Variants in KCNJ15 observed in about 807,000 individuals in gnomAD.
KCNJ15 encodes the protein ATP-sensitive inward rectifier potassium channel 15.
A neutral mutation model predicts 23.0 loss-of-function variants in KCNJ15; 14 were observed. The ratio of observed to expected loss-of-function variants is 0.61; its 90% CI spans 0.40 to 0.95. The LOEUF is 0.95. Ranked by LOEUF, KCNJ15 falls within the 40% of genes least tolerant of loss-of-function variation. The pLI is 0.00. For missense variants in KCNJ15, 388 were observed against 461.8 expected (o/e 0.84, Z 1.46); for synonymous variants, 185 against 183.2 (o/e 1.01, Z -0.08).
chr21:38,254,661 T>C (rs1024511990), upstream of KCNJ15, among the ~76,000 whole-genome samples: 1 of 152,218 alleles, frequency 6.6e-6, no homozygotes, highest in Non-Finnish European at 1.5e-5. Context: ...AATGCATGGA[T>C]TGAAAGTGAA....
intron 1 of KCNJ15, among the ~76,000 whole-genome samples, chr21:38,259,135 G>A (rs1007878876): frequency 5.9e-5 from 9 of 152,188 alleles, no homozygotes; most frequent in African/African-American, 1.4e-4. Context: ...AAAGTTATTC[G>A]GATTTAATCA....
At chr21:38,277,253 G>C (rs758667178) in intron 1 of KCNJ15, among the ~76,000 whole-genome samples, 16 of 152,258 alleles carry the variant, frequency 1.1e-4, no homozygotes, top group Non-Finnish European at 2.9e-5. Context: ...AGGAGGATTA[G>C]GGGAGCACTT....
chr21:38,237,031 G>A (rs531809810), intron 1 of KCNJ15, among the ~76,000 whole-genome samples: 13 of 152,204 alleles, frequency 8.5e-5, no homozygotes, highest in East Asian at 7.7e-4. Flanking sequence ...CACAGGCGTG[G>A]TACTCTGTGT....
upstream of KCNJ15, chr21:38,256,625 T>C (rs1245288924): frequency 6.6e-6 from 1 of 151,898 alleles, no homozygotes; most frequent in Non-Finnish European, 1.5e-5. Flanking sequence ...GTAATCTGGT[T>C]ATTTATTTAT....
intron 2 of KCNJ15, chr21:38,298,286 G>A (rs1186414199): frequency 1.3e-5 from 2 of 152,022 alleles, no homozygotes; most frequent in Non-Finnish European, 2.9e-5. Context: ...CTTATAGGTA[G>A]GTCTTTCCTA....
Position 38,300,198 on chromosome 21 carries a change from C to T in KCNJ15, c.937C>T (p.Pro313Ser), listed in dbSNP as rs747719050. Reference protein sequence around the residue: ...EEIYWGFEFVPVVSLSKNGKY... With the variant: ...EEIYWGFEFVSVVSLSKNGKY... ...AATCTACTGGGGTTTTGAGTTTGTG[C>T]CTGTGGTATCTCTCTCCAAAAATGG... The change falls in exon 3 of 3, where the codon CCT (proline) becomes TCT (serine). Residue 313 changes from proline to serine, a missense_variant. By Grantham distance (74) the Pro-to-Ser change is moderately conservative. Coordinates refer to ENST00000398938, the MANE Select transcript of KCNJ15 (RefSeq NM_170736.3). 14 of 1,613,966 alleles carry T rather than the reference C, an allele frequency of 8.7e-6. No individual in the cohort carries two copies. The East Asian group carries it at 2.9e-4, about 33-fold the overall frequency.
At chr21:38,284,214 C>T (rs1983654303) in intron 1 of KCNJ15, among the ~76,000 whole-genome samples, 1 of 152,212 alleles carries the variant, frequency 6.6e-6, no homozygotes, top group African/African-American at 2.4e-5. Context: ...GAGCTCCATG[C>T]TGGTATAACA....
intron 1 of KCNJ15, among the ~76,000 whole-genome samples, chr21:38,291,269 A>C (rs1011829951): frequency 6.6e-6 from 1 of 152,126 alleles, no homozygotes; most frequent in Admixed American, 6.5e-5. Context: ...TAACTTTCCC[A>C]TCCTAGAATC....
At chr21:38,294,124 T>A (rs962207809) in intron 1 of KCNJ15, among the ~76,000 whole-genome samples, 3 of 152,088 alleles carry the variant, frequency 2.0e-5, no homozygotes, top group Non-Finnish European at 4.4e-5. Flanking sequence ...TTGTCAAGCA[T>A]TTTTTTTCTA....
rs184078040 is a variant in KCNJ15 at position 38,299,120 on chromosome 21, C to G, written c.-18-124C>G. The G allele has an allele frequency of 1.4e-4, 103 of 762,556 alleles. 1 individual carries two copies. In the Middle Eastern group the frequency reaches 1.6e-3, roughly 12 times the overall value. 47.2% of individuals were successfully genotyped at this position (762,556 alleles called of 1,614,324 possible). On this transcript the variant is annotated intron_variant, in intron 2 of 2. Coordinates refer to ENST00000398938, the MANE Select transcript of KCNJ15 (RefSeq NM_170736.3). This position sits in a 1 kb window ranked among gnomAD's most constrained non-coding sequence, Gnocchi z 4.5. ...CCTAAGTATAGATCAGTTAATCTTG[C>G]CTTCAGAATTCTCCTTTCTTGTGTA...
chr21:38,233,183 CT>C (rs1222477461), intron 1 of KCNJ15, among the ~76,000 whole-genome samples: 2 of 151,854 alleles, frequency 1.3e-5, no homozygotes, highest in South Asian at 4.1e-4. Context: ...TAGATTGGCC[CT>C]TTTATCATTA....
At chr21:38,252,322 C>T (rs1386096646), upstream of KCNJ15, among the ~76,000 whole-genome samples, 1 of 152,186 alleles carries the variant, frequency 6.6e-6, no homozygotes, top group African/African-American at 2.4e-5. Context: ...TACCTTCAAA[C>T]TCCCAGGTAG....
intron 1 of KCNJ15, among the ~76,000 whole-genome samples, chr21:38,292,804 A>G (rs1286519763): frequency 6.6e-6 from 1 of 152,010 alleles, no homozygotes; most frequent in Non-Finnish European, 1.5e-5. Flanking sequence ...CCCCATCTCT[A>G]CTAAAAATAC....
intron 2 of KCNJ15, among the ~76,000 whole-genome samples, 194 bp downstream of exon 2, chr21:38,297,217 C>T (rs1356291607): frequency 6.6e-5 from 10 of 152,074 alleles, no homozygotes; most frequent in Admixed American, 5.2e-4. Flanking sequence ...ATGATAGATG[C>T]CATTAACTCC....
At chr21:38,253,664 C>T (rs1055467748), upstream of KCNJ15, among the ~76,000 whole-genome samples, 1 of 152,092 alleles carries the variant, frequency 6.6e-6, no homozygotes, top group Non-Finnish European at 1.5e-5. Context: ...TGATTCAAGC[C>T]AAGATGAGGA....
intron 1 of KCNJ15, among the ~76,000 whole-genome samples, chr21:38,235,112 A>G (rs1978513120): frequency 6.6e-6 from 1 of 152,254 alleles, no homozygotes; most frequent in South Asian, 2.1e-4. Flanking sequence ...AAGAGTAGCT[A>G]TAATCACTCT....
intron 1 of KCNJ15, chr21:38,238,231 G>A (rs1601120807): frequency 1.7e-6 from 1 of 574,450 alleles, no homozygotes; most frequent in Non-Finnish European, 3.4e-6. Context: ...GGGCAGTCAC[G>A]GATGTAGCAG....
intron 1 of KCNJ15, among the ~76,000 whole-genome samples, chr21:38,257,803 C>T (rs1035163193): frequency 2.0e-5 from 3 of 152,230 alleles, no homozygotes; most frequent in African/African-American, 7.2e-5. Context: ...AGACTATCCT[C>T]AGCTAATAAA....
intron 1 of KCNJ15, among the ~76,000 whole-genome samples, chr21:38,257,984 A>G (rs932469910): frequency 4.6e-5 from 7 of 152,196 alleles, no homozygotes; most frequent in Non-Finnish European, 7.3e-5. Flanking sequence ...CGAATGTAGT[A>G]TTTGACTGTG....
Sources: gnomAD v4.1 joint callset for allele counts (sites outside exome capture counted in the v4.1 genomes callset) on GRCh38, gnomAD v4.1.1 for gene constraint, Gnocchi (gnomAD v3.1) non-coding constraint, MANE v1.5 for transcripts, NCBI Gene and HGNC (gene_info 2026-07-23, HGNC 2026-07-21) for gene names.